The following CD58 variants were observed in gnomAD, a reference collection of about 807,000 sequenced individuals.
CD58 encodes the protein lymphocyte function-associated antigen 3.
Under a neutral mutation model 27.6 loss-of-function variants are expected in CD58, and 14 were observed. The ratio of observed to expected loss-of-function variants is 0.51; its 90% CI spans 0.34 to 0.79. The LOEUF is 0.79. Ranked by LOEUF, CD58 falls within the 30% of genes least tolerant of loss-of-function variation. CD58 has a pLI of 0.02. For synonymous variants in CD58, 117 were observed against 103.8 expected (o/e 1.13, Z -0.77); for missense variants, 268 against 301.7 (o/e 0.89, Z 0.83).
At chr1:116,555,748 T>A (rs1156923165) in intron 1 of CD58, among the ~76,000 whole-genome samples, 1 of 152,200 alleles carries the variant, frequency 6.6e-6, no homozygotes, top group Non-Finnish European at 1.5e-5. Flanking sequence ...AACCCAAGTT[T>A]TATAGATGAA....
chr1:116,536,129 A>G lies in CD58; in HGVS notation c.464T>C (p.Ile155Thr), dbSNP rs1249142677. The change falls in exon 3 of 6, where the codon ATA (isoleucine) becomes ACA (threonine). Residue 155 changes from isoleucine to threonine, a missense_variant. Coordinates refer to ENST00000369489, the MANE Select transcript of CD58 (RefSeq NM_001779.3). This position sits in a 1 kb window ranked among gnomAD's most constrained non-coding sequence, Gnocchi z 5.4. The stretch of plus-strand genomic sequence containing the variant: ...CATAGGACAATCCCATGAGTACATT[A>G]TAAGTCCTCGATGGCTGTTGTAATG... ...PEHYNSHRGLIMYSWDCPMEQ... is the reference protein window; with the variant it reads ...PEHYNSHRGLTMYSWDCPMEQ... The G allele has an allele frequency of 3.7e-6, 6 of 1,613,802 alleles. No homozygotes were observed. Among genetic ancestry groups the G allele is most frequent in the South Asian group, 1.1e-5 (1 of 91,076 alleles).
intron 1 of CD58, among the ~76,000 whole-genome samples, chr1:116,565,268 T>C (rs780255629): frequency 6.6e-6 from 1 of 152,218 alleles, no homozygotes; most frequent in East Asian, 1.9e-4. Flanking sequence ...ATCTACAGGA[T>C]CCAACCCTGA....
In CD58 at chr1:116,568,055, C is replaced by CAAAA. The variant is rs34531651; in HGVS notation, c.70+2844_70+2847dup. Among the ~76,000 whole-genome samples, 178 of 81,658 alleles carry CAAAA rather than the reference C, an allele frequency of 2.2e-3. 1 individual carries two copies. Among genetic ancestry groups the CAAAA allele is most frequent in the African/African-American group, 7.1e-3 (164 of 23,154 alleles). The allele number at this position is 81,658 out of a possible 152,430, so 53.6% of individuals were successfully genotyped here. A position where few individuals can be genotyped will look rare whatever the true frequency, so the allele number is the denominator to read the frequency against. ...CAAAAATGATGATGTCTTAAAGTAC[C>CAAAA]AAAAAAAAAAAAAAAAAAAAGCAAC... On this transcript the variant is annotated intron_variant, in intron 1 of 5. Coordinates refer to ENST00000369489, the MANE Select transcript of CD58 (RefSeq NM_001779.3).
rs1307284277 is a variant in CD58 at position 116,546,421 on chromosome 1, C to T, written c.71-1817G>A. On this transcript the variant is annotated intron_variant, in intron 1 of 5. Coordinates refer to ENST00000369489, the MANE Select transcript of CD58 (RefSeq NM_001779.3). This position sits in a 1 kb window ranked among gnomAD's most constrained non-coding sequence, Gnocchi z 4.1. ...TTAAGGGGAACTGCCCTCAAAAACA[C>T]ACCAGCATCTTTCCATTGCTTTGCC... Among the ~76,000 whole-genome samples, 2 of 152,218 alleles carry T rather than the reference C, an allele frequency of 1.3e-5. No individual in the cohort carries two copies. Among genetic ancestry groups the T allele is most frequent in the African/African-American group, 4.8e-5 (2 of 41,458 alleles).
In CD58 at chr1:116,557,489, GT is replaced by G. The variant is rs571125161; in HGVS notation, c.71-12886del. On this transcript the variant is annotated intron_variant, in intron 1 of 5. Coordinates refer to ENST00000369489, the MANE Select transcript of CD58 (RefSeq NM_001779.3). The surrounding 1 kb of genome is among the most constrained non-coding windows in gnomAD (Gnocchi z 5.2). ...TTTAAGTAGATTTTACCAACTAAGT[GT>G]TATAGGATGCAGGGCACCACACCAG... 7.2e-5 allele frequency among the ~76,000 whole-genome samples: 11 copies of G among 152,162 alleles called. No homozygotes were observed. Among genetic ancestry groups the G allele is most frequent in the Non-Finnish European group, 1.0e-4 (7 of 68,034 alleles).
chr1:116,530,867 G>C (rs1657581180), intron 3 of CD58, among the ~76,000 whole-genome samples: 1 of 152,130 alleles, frequency 6.6e-6, no homozygotes, highest in Non-Finnish European at 1.5e-5. Flanking sequence ...TTTAAAAGGA[G>C]AAGGTCCTCC....
rs1376044252 is a variant in CD58, at chr1:116,521,051, A to AC, written c.706+854_706+855insG. Among the ~76,000 whole-genome samples the AC allele has an allele frequency of 6.6e-6, 1 of 152,188 alleles. No homozygotes were observed. The highest frequency in any genetic ancestry group is 1.5e-5 in the Non-Finnish European group (1 of 68,034). ...TGAAAGGTGGTTAGTGTAACTGAGG[A>AC]ATGAATCTTAAATTTAATGGTATTT... On this transcript the variant is annotated intron_variant, in intron 4 of 5. Coordinates refer to ENST00000369489, the MANE Select transcript of CD58 (RefSeq NM_001779.3). The surrounding 1 kb of genome is among the most constrained non-coding windows in gnomAD (Gnocchi z 5.6).
Position 116,528,139 on chromosome 1 carries a change from A to G in CD58, c.629-6156T>C, listed in dbSNP as rs1657484815. Among the ~76,000 whole-genome samples the G allele has an allele frequency of 1.3e-5, 2 of 152,228 alleles. No individual in the cohort carries two copies. Among genetic ancestry groups the G allele is most frequent in the Admixed American group, 1.3e-4 (2 of 15,280 alleles). On this transcript the variant is annotated intron_variant, in intron 3 of 5. Coordinates refer to ENST00000369489, the MANE Select transcript of CD58 (RefSeq NM_001779.3). The surrounding 1 kb of genome is among the most constrained non-coding windows in gnomAD (Gnocchi z 4.4). The stretch of plus-strand genomic sequence containing the variant: ...CCAGTGGAAAGTCATAAAAGTCACA[A>G]GAGACCAACTTAAATCAGTCCAAAA...
At chr1:116,547,422 C>T (rs190442319) in intron 1 of CD58, among the ~76,000 whole-genome samples, 3 of 151,538 alleles carry the variant, frequency 2.0e-5, no homozygotes, top group Admixed American at 1.3e-4. Flanking sequence ...ACCTCCCAGG[C>T]TCACGCCATT....
At position 116,519,382 on chromosome 1, in the gene CD58, C is replaced by A. The variant is rs1458502640; in HGVS notation, c.707-115G>T. On this transcript the variant is annotated intron_variant, in intron 4 of 5. Transcript: ENST00000369489. The surrounding 1 kb of genome is among the most constrained non-coding windows in gnomAD (Gnocchi z 4.7). The stretch of plus-strand genomic sequence containing the variant: ...ATGGAAAACTAAGCCAGAGCCCCAT[C>A]ACCCTGGGATTTCCTGCTATCCTAT... 2.3e-6 allele frequency: 2 copies of A among 885,400 alleles called. No individual in the cohort carries two copies. The highest frequency in any genetic ancestry group is 4.0e-5 in the Admixed American group (2 of 49,992). 54.8% of individuals were successfully genotyped at this position (885,400 alleles called of 1,614,324 possible).
rs113961337 is a variant in CD58 at position 116,521,104 on chromosome 1, A to C, written c.706+802T>G. On this transcript the variant is annotated intron_variant, in intron 4 of 5. Coordinates refer to ENST00000369489, the MANE Select transcript of CD58 (RefSeq NM_001779.3). This position sits in a 1 kb window ranked among gnomAD's most constrained non-coding sequence, Gnocchi z 5.6. The stretch of plus-strand genomic sequence containing the variant: ...TTTTAAATGATATATTTAAATAATC[A>C]TATGTGGCTAATTGGCTACTATACT... 0.025 allele frequency among the ~76,000 whole-genome samples: 3,865 copies of C among 152,258 alleles called. 156 individuals carry two copies. Among genetic ancestry groups the C allele is most frequent in the African/African-American group, 0.086 (3,560 of 41,528 alleles).
intron 1 of CD58, among the ~76,000 whole-genome samples, chr1:116,565,097 G>C (rs1571093665): frequency 6.6e-6 from 1 of 152,066 alleles, no homozygotes; most frequent in South Asian, 2.1e-4. Flanking sequence ...CAACCTCCCT[G>C]CTCTTCCTTT....
At chr1:116,530,837 G>T (rs929271673) in intron 3 of CD58, among the ~76,000 whole-genome samples, 2 of 152,138 alleles carry the variant, frequency 1.3e-5, no homozygotes, top group African/African-American at 4.8e-5. Flanking sequence ...AGATCATTAA[G>T]TTCAGCTCCT....
Position 116,535,942 on chromosome 1 carries a change from G to T in CD58, c.628+23C>A. 3 of 1,571,242 alleles carry T rather than the reference G, an allele frequency of 1.9e-6. No homozygotes were observed. In the South Asian group the frequency reaches 3.4e-5, roughly 18 times the overall value. ...ACATCTGTGGTCTGAAAGCCTCCAT[G>T]ACACATTTAGTTATTTACTCACCGC... On this transcript the variant is annotated intron_variant, in intron 3 of 5. Coordinates refer to ENST00000369489, the MANE Select transcript of CD58 (RefSeq NM_001779.3).
intron 3 of CD58, among the ~76,000 whole-genome samples, chr1:116,525,538 C>T (rs76882241): frequency 0.019 from 2,894 of 152,228 alleles, 37 homozygotes; most frequent in South Asian, 0.031. Flanking sequence ...TTAATGCCTT[C>T]GGGTAAATAG....
In CD58 at chr1:116,552,845, T is replaced by C. The variant is rs1658435593; in HGVS notation, c.71-8241A>G. On this transcript the variant is annotated intron_variant, in intron 1 of 5. Coordinates refer to ENST00000369489, the MANE Select transcript of CD58 (RefSeq NM_001779.3). This position sits in a 1 kb window ranked among gnomAD's most constrained non-coding sequence, Gnocchi z 4.5. ...GTTTCATATTTATGTGGGAGTAGAG[T>C]GGAGCTGGGAGTTGCTACATCAAAA... Among the ~76,000 whole-genome samples, 2 of 152,076 alleles carry C rather than the reference T, an allele frequency of 1.3e-5. No individual in the cohort carries two copies. Among genetic ancestry groups the C allele is most frequent in the African/African-American group, 4.8e-5 (2 of 41,416 alleles).
Position 116,519,035 on chromosome 1 carries a change from G to A in CD58, c.743+196C>T. ...TTGAGAGGGTTCCAGGAAACGATAT[G>A]CAGAGAGTGGCTAGTGCAGTGCATG... On this transcript the variant is annotated intron_variant, in intron 5 of 5. Transcript: ENST00000369489. This position sits in a 1 kb window ranked among gnomAD's most constrained non-coding sequence, Gnocchi z 4.7. The A allele has an allele frequency of 8.0e-7, 1 of 1,242,446 alleles. No homozygotes were observed. The highest frequency in any genetic ancestry group is 2.6e-5 in the East Asian group (1 of 38,586). 77.0% of individuals were successfully genotyped at this position (1,242,446 alleles called of 1,614,324 possible). A position where few individuals can be genotyped will look rare whatever the true frequency, so the allele number is the denominator to read the frequency against.
chr1:116,522,458 C>A lies in CD58; in HGVS notation c.629-475G>T, dbSNP rs1260350190. Among the ~76,000 whole-genome samples, 1 of 152,066 alleles carries A rather than the reference C, an allele frequency of 6.6e-6. No individual in the cohort carries two copies. The highest frequency in any genetic ancestry group is 6.6e-5 in the Admixed American group (1 of 15,264). ...GTGCTGTTGGCTATGAGTTCAAGGTCAATAAATCAACACTATATATTAAGG... is the reference window on the plus strand; with the variant it reads ...GTGCTGTTGGCTATGAGTTCAAGGTAAATAAATCAACACTATATATTAAGG... On this transcript the variant is annotated intron_variant, in intron 3 of 5. Transcript: ENST00000369489. The surrounding 1 kb of genome is among the most constrained non-coding windows in gnomAD (Gnocchi z 4.6).
rs1275507784 is a variant in CD58 at position 116,516,813 on chromosome 1, T to TA, written c.744-1992dup. On this transcript the variant is annotated intron_variant, in intron 5 of 5. Transcript: ENST00000369489. This position sits in a 1 kb window ranked among gnomAD's most constrained non-coding sequence, Gnocchi z 6.1. ...CCTGTGCTTCCTGCCTAAGTCCTTC[T>TA]AAGAGTTTCGTATGCTCATGTGCAT... Among the ~76,000 whole-genome samples the TA allele has an allele frequency of 7.2e-5, 11 of 152,188 alleles. No homozygotes were observed. Among genetic ancestry groups the TA allele is most frequent in the Admixed American group, 7.2e-4 (11 of 15,282 alleles).
Sources: allele counts gnomAD v4.1 joint callset (sites outside exome capture counted in the v4.1 genomes callset), GRCh38; gene constraint gnomAD v4.1.1; non-coding constraint Gnocchi (gnomAD v3.1); transcripts MANE v1.5; gene names NCBI Gene and HGNC (gene_info 2026-07-23, HGNC 2026-07-21).